The following SOX5 variants were observed in gnomAD, a reference collection of about 807,000 sequenced individuals.
SOX5 encodes transcription factor SOX-5.
SOX5 carries 9 observed loss-of-function variants against 92.0 expected under a neutral mutation model. The observed-to-expected ratio is 0.10, with a 90% confidence interval of 0.06 to 0.17. The LOEUF is 0.17. Ranked by LOEUF, SOX5 falls within the 10% of genes least tolerant of loss-of-function variation. SOX5 has a pLI of 1.00. For missense variants in SOX5, 642 were observed against 944.5 expected, an observed-to-expected ratio of 0.68 and a Z score of 4.20; for synonymous variants, 344 against 336.3, an observed-to-expected ratio of 1.02 and a Z score of -0.25.
At chr12:24,278,738 A>G (rs544654994) in intron 2 of SOX5, among the ~76,000 whole-genome samples, 1 of 152,272 alleles carries the variant, frequency 6.6e-6, no homozygotes, top group East Asian at 1.9e-4. Context: ...AAAGCCAACC[A>G]AAACAACAAC....
At chr12:23,885,016 C>CT (rs1165195879) in intron 2 of SOX5, among the ~76,000 whole-genome samples, 1 of 152,080 alleles carries the variant, frequency 6.6e-6, no homozygotes, top group Non-Finnish European at 1.5e-5. Flanking sequence ...ATTGATGACC[C>CT]TGGGGAAATC....
intron 1 of SOX5, among the ~76,000 whole-genome samples, chr12:24,396,825 G>C (rs1960140719): frequency 6.6e-6 from 1 of 152,218 alleles, no homozygotes; most frequent in Non-Finnish European, 1.5e-5. Context: ...TTTTTGTGGT[G>C]ACTGCAAAAA....
chr12:24,490,942 CA>C (rs1348870345), intron 1 of SOX5, among the ~76,000 whole-genome samples: 1 of 152,030 alleles, frequency 6.6e-6, no homozygotes, highest in Non-Finnish European at 1.5e-5. Flanking sequence ...AACAAAATAC[CA>C]AAAGAGCTGC....
chr12:24,125,882 C>T (rs1244752015), intron 4 of SOX5, among the ~76,000 whole-genome samples: 2 of 152,154 alleles, frequency 1.3e-5, no homozygotes, highest in African/African-American at 4.8e-5. Context: ...TCATCCTTCC[C>T]AGGACGAAGA....
chr12:23,546,569 C>A (rs1216447473), intron 11 of SOX5, 145 bp from the exon 12 acceptor site: 1 of 588,832 alleles, frequency 1.7e-6, no homozygotes, highest in African/African-American at 1.9e-5. Flanking sequence ...GCACATTAAC[C>A]TGAAGTCATT....
At chr12:24,108,362 C>G (rs1024964932) in intron 4 of SOX5, among the ~76,000 whole-genome samples, 27 of 152,072 alleles carry the variant, frequency 1.8e-4, no homozygotes, top group Non-Finnish European at 1.2e-4. Flanking sequence ...CATGCATCAT[C>G]ATTACTGTCA....
chr12:24,153,140 C>T (rs1951827472), intron 4 of SOX5, among the ~76,000 whole-genome samples: 1 of 152,130 alleles, frequency 6.6e-6, no homozygotes, highest in East Asian at 1.9e-4. Context: ...CCAAACCTCC[C>T]ATTGTGCTTT....
upstream of SOX5, among the ~76,000 whole-genome samples, chr12:23,951,665 C>CAT (rs1399826316): frequency 6.6e-6 from 1 of 151,988 alleles, no homozygotes; most frequent in East Asian, 1.9e-4. Flanking sequence ...CACACACACA[C>CAT]ACTACAAAAT....
chr12:24,508,247 C>A (rs1948987066), intron 1 of SOX5, among the ~76,000 whole-genome samples: 1 of 151,938 alleles, frequency 6.6e-6, no homozygotes, highest in South Asian at 2.1e-4. Context: ...GAAAGGGGAG[C>A]AAACCTGGAG....
intron 6 of SOX5, among the ~76,000 whole-genome samples, chr12:23,696,500 CTGTTT>C (rs2089890443): frequency 6.6e-6 from 1 of 152,046 alleles, no homozygotes; most frequent in African/African-American, 2.4e-5. Context: ...TGTGTCTACT[CTGTTT>C]TATTTCCTGA....
intron 3 of SOX5, among the ~76,000 whole-genome samples, chr12:23,793,455 G>C (rs1444815977): frequency 6.6e-6 from 1 of 152,144 alleles, no homozygotes; most frequent in Non-Finnish European, 1.5e-5. Context: ...CAACCCTAAA[G>C]AGTAACTTTT....
At chr12:23,680,254 A>T (rs1348917931) in intron 6 of SOX5, among the ~76,000 whole-genome samples, 1 of 135,942 alleles carries the variant, frequency 7.4e-6, no homozygotes, top group Non-Finnish European at 1.5e-5. Flanking sequence ...TGAACCCAGG[A>T]GGTGGAGGCT....
At chr12:23,857,637 G>C (rs959667238) in intron 2 of SOX5, among the ~76,000 whole-genome samples, 5 of 152,134 alleles carry the variant, frequency 3.3e-5, no homozygotes, top group Non-Finnish European at 7.4e-5. Flanking sequence ...AATGTGTAAG[G>C]CATATGGAAA....
intron 3 of SOX5, among the ~76,000 whole-genome samples, chr12:23,830,671 C>T (rs1000807669): frequency 6.6e-6 from 1 of 152,052 alleles, no homozygotes; most frequent in Non-Finnish European, 1.5e-5. Flanking sequence ...GAGTGAATTT[C>T]GAAGTGCCCC....
chr12:24,488,185 T>TA (rs35355833), intron 1 of SOX5, among the ~76,000 whole-genome samples: 40,284 of 151,892 alleles, frequency 0.27, 6,497 homozygotes, highest in East Asian at 0.71. Context: ...TACTTAAGGT[T>TA]AAAAAAAATT....
chr12:24,508,201 G>A lies in SOX5; in HGVS notation c.-251+54128C>T, dbSNP rs181627873. ...CACATGCGTCTAGACCATCACTCTAGCAGCCCTGTGCAGAGTGGGTTTCAG... is the reference window on the plus strand; with the variant it reads ...CACATGCGTCTAGACCATCACTCTAACAGCCCTGTGCAGAGTGGGTTTCAG... On this transcript the variant is annotated intron_variant, in intron 1 of 4. Transcript: ENST00000446891. 2.0e-4 allele frequency among the ~76,000 whole-genome samples: 31 copies of A among 152,240 alleles called. No homozygotes were observed. In the East Asian group the frequency reaches 5.6e-3, roughly 28 times the overall value.
At chr12:24,368,050 T>A (rs1956345672) in intron 2 of SOX5, 1 of 152,134 alleles carries the variant, frequency 6.6e-6, no homozygotes, top group African/African-American at 2.4e-5. Context: ...TTGGCAAAAA[T>A]CAACATTAAT....
chr12:24,510,708 G>A (rs1313207917), intron 1 of SOX5, among the ~76,000 whole-genome samples: 1 of 152,178 alleles, frequency 6.6e-6, no homozygotes, highest in African/African-American at 2.4e-5. Flanking sequence ...ATGATGATTA[G>A]CCAGAAAATC....
At chr12:24,040,758 A>C (rs1056332156) in intron 4 of SOX5, among the ~76,000 whole-genome samples, 1 of 152,184 alleles carries the variant, frequency 6.6e-6, no homozygotes, top group Non-Finnish European at 1.5e-5. Flanking sequence ...CTGTAGTCCC[A>C]GTTCCTCGGG....
Sources: gnomAD v4.1 joint callset for allele counts (sites outside exome capture counted in the v4.1 genomes callset) on GRCh38, gnomAD v4.1.1 for gene constraint, MANE v1.5 for transcripts, NCBI Gene and HGNC (gene_info 2026-07-23, HGNC 2026-07-21) for gene names.